The following GADL1 variants were observed in gnomAD, a reference collection of about 807,000 sequenced individuals.
GADL1 encodes GAD like acidic amino acid decarboxylase 1.
Under a neutral mutation model 69.5 loss-of-function variants are expected in GADL1, and 71 were observed. The observed-to-expected ratio is 1.02, with a 90% CI of 0.84 to 1.25. The LOEUF is 1.25. Among genes scored for constraint, GADL1 ranks in the 50% most tolerant of loss-of-function variants. The pLI, the probability that GADL1 is intolerant of heterozygous loss-of-function variation, is 0.00. For synonymous variants in GADL1, 254 were observed against 214.4 expected, an observed-to-expected ratio of 1.18 and a Z score of -1.62; for missense variants, 737 against 631.8, an observed-to-expected ratio of 1.17 and a Z score of -1.79.
At chr3:30,854,588 G>A (rs138118088) in intron 4 of GADL1, 111 bp downstream of exon 4, 14 of 628,120 alleles carry the variant, frequency 2.2e-5, no homozygotes, top group African/African-American at 1.9e-4. Flanking sequence ...CATTATTTGC[G>A]ATGGCACTAT....
intron 3 of GADL1, 21 bp from the exon 4 acceptor site, chr3:30,854,810 A>G (rs1202021949): frequency 7.7e-7 from 1 of 1,292,854 alleles, no homozygotes. Flanking sequence ...AAAATGGAGT[A>G]TTCATCTATG....
chr3:30,815,272 T>A (rs547150687), intron 11 of GADL1, among the ~76,000 whole-genome samples: 1 of 152,178 alleles, frequency 6.6e-6, no homozygotes, highest in East Asian at 1.9e-4. Context: ...AAACAGCAAG[T>A]GGAAGTTACT....
chr3:30,889,554 A>G (rs1315058712), intron 1 of GADL1, among the ~76,000 whole-genome samples: 1 of 152,256 alleles, frequency 6.6e-6, no homozygotes, highest in Non-Finnish European at 1.5e-5. Flanking sequence ...CATGACTTAC[A>G]GCAAAGCAAT....
Position 30,824,807 on chromosome 3 carries a change from CG to C in GADL1, c.1050+9045del, listed in dbSNP as rs376293614. 3.4e-4 allele frequency among the ~76,000 whole-genome samples: 52 copies of C among 151,916 alleles called. 2 individuals carry two copies. The East Asian group carries it at 8.3e-3, about 24-fold the overall frequency. ...AGCAAGAAAGTATCAGAAAGAAACA[CG>C]TGAAGATCTCTGGGTTTCTGGTTAT... On this transcript the variant is annotated intron_variant, in intron 11 of 14. Transcript: ENST00000282538.
At chr3:30,835,046 T>C (rs1308499874) in intron 9 of GADL1, among the ~76,000 whole-genome samples, 1 of 152,130 alleles carries the variant, frequency 6.6e-6, no homozygotes, top group Non-Finnish European at 1.5e-5. Flanking sequence ...TTGGGCTGTA[T>C]TGAATGCTTT....
intron 14 of GADL1, among the ~76,000 whole-genome samples, chr3:30,761,015 C>T (rs1696114599): frequency 6.6e-6 from 1 of 151,660 alleles, no homozygotes; most frequent in Admixed American, 6.6e-5. Context: ...TAAAATTTAC[C>T]ATGCAGAACA....
At chr3:30,798,472 G>C (rs570875807) in intron 12 of GADL1, 1 of 152,242 alleles carries the variant, frequency 6.6e-6, no homozygotes, top group South Asian at 2.1e-4. Flanking sequence ...CATGACAGCA[G>C]TATGGGGGAA....
intron 13 of GADL1, among the ~76,000 whole-genome samples, chr3:30,783,461 T>C (rs1176066776): frequency 6.6e-6 from 1 of 152,164 alleles, no homozygotes; most frequent in African/African-American, 2.4e-5. Context: ...CTGGGTATTG[T>C]CTTGTTATGT....
intron 12 of GADL1, 105 bp downstream of exon 12, chr3:30,800,784 C>G: frequency 1.1e-6 from 1 of 917,836 alleles, no homozygotes; most frequent in Non-Finnish European, 1.7e-6. Flanking sequence ...TTCCTTAGGT[C>G]TTCCTATTAC....
chr3:30,806,513 T>C (rs1042522117), intron 11 of GADL1, among the ~76,000 whole-genome samples: 2 of 152,168 alleles, frequency 1.3e-5, no homozygotes, highest in African/African-American at 4.8e-5. Context: ...GGTACCTTAA[T>C]ATAGGCTGAA....
intron 9 of GADL1, 114 bp from the exon 10 acceptor site, chr3:30,834,395 A>G: frequency 2.4e-6 from 2 of 827,492 alleles, no homozygotes; most frequent in Non-Finnish European, 4.0e-6. Context: ...TTGATATTTT[A>G]TGTCATGTTA....
Position 30,844,388 on chromosome 3 carries a change from T to A in GADL1, c.730A>T (p.Arg244Ter). The change falls in exon 7 of 15, where the codon AGA (arginine) becomes TGA (stop). Residue 244 changes from arginine (R) to a stop codon, truncating the protein, a stop_gained and splice_region_variant. Transcript: ENST00000282538. LOFTEE classifies it high-confidence loss of function. ...GCTTCCAGATCCTGTTCCCATTACC[T>A]TCCATCTGTTTCCACAAAGCAAACA... ...ENVCFVETDGRGKMIPEELEK... is the reference protein window; with the variant it reads ...ENVCFVETDG The A allele has an allele frequency of 6.2e-7, 1 of 1,611,046 alleles. No homozygotes were observed. The highest frequency in any genetic ancestry group is 8.5e-7 in the Non-Finnish European group (1 of 1,177,154).
rs191217940 is a variant in GADL1 at position 30,886,886 on chromosome 3, T to C, written c.37+7692A>G. The stretch of plus-strand genomic sequence containing the variant: ...TGGAGCTTCGGTCACAAATGCAGTC[T>C]GCTACTTCTTTCTACTTAATAATGA... On this transcript the variant is annotated intron_variant, in intron 1 of 14. Transcript: ENST00000282538. Among the ~76,000 whole-genome samples, 10 of 151,842 alleles carry C rather than the reference T, an allele frequency of 6.6e-5. No individual in the cohort carries two copies. In the East Asian group the frequency reaches 1.9e-3, roughly 29 times the overall value.
intron 14 of GADL1, among the ~76,000 whole-genome samples, chr3:30,765,036 C>CTTTTT (rs3043001): frequency 1.3e-4 from 19 of 151,608 alleles, no homozygotes; most frequent in African/African-American, 1.9e-4. Context: ...TGCAAATTGA[C>CTTTTT]TTTTTCCTTC....
chr3:30,752,700 T>G (rs1695855598), intron 14 of GADL1, among the ~76,000 whole-genome samples: 1 of 152,174 alleles, frequency 6.6e-6, no homozygotes, highest in Admixed American at 6.5e-5. Context: ...AAAGTGACTG[T>G]TCTAGAGGAA....
chr3:30,851,478 A>G (rs1698146344), intron 4 of GADL1, among the ~76,000 whole-genome samples: 3 of 152,172 alleles, frequency 2.0e-5, no homozygotes, highest in Admixed American at 2.0e-4. Flanking sequence ...CTCTTATGTG[A>G]TAATTTTACT....
chr3:30,840,508 T>A (rs1442568141), intron 8 of GADL1, among the ~76,000 whole-genome samples: 4 of 152,188 alleles, frequency 2.6e-5, no homozygotes, highest in Admixed American at 2.6e-4. Context: ...TACTGACAAC[T>A]ATGGCTTTAT....
chr3:30,849,571 C>CTGTA (rs1698113736), intron 6 of GADL1, among the ~76,000 whole-genome samples: 1 of 152,006 alleles, frequency 6.6e-6, no homozygotes, highest in African/African-American at 2.4e-5. Flanking sequence ...TTCATTGTTA[C>CTGTA]TGTATATCTT....
At position 30,894,620 on chromosome 3, in the gene GADL1, C is replaced by T. The variant is rs1403002575; in HGVS notation, c.-6G>A. ...CGGTCCGAGTCGCTGCTCATCTCCG[C>T]TCCCCCACTCCAGGCTGCCCCGGGC... On this transcript the variant is annotated 5_prime_UTR_variant, in exon 1 of 15. Transcript: ENST00000282538. 1.3e-6 allele frequency: 2 copies of T among 1,550,686 alleles called. No homozygotes were observed. Among genetic ancestry groups the T allele is most frequent in the Non-Finnish European group, 1.7e-6 (2 of 1,146,562 alleles).
Sources: gnomAD v4.1 joint callset for allele counts (sites outside exome capture counted in the v4.1 genomes callset) on GRCh38, gnomAD v4.1.1 for gene constraint, MANE v1.5 for transcripts, NCBI Gene and HGNC (gene_info 2026-07-23, HGNC 2026-07-21) for gene names.